Variants in AKR1B15 observed in about 807,000 individuals in gnomAD.
AKR1B15 encodes estradiol 17-beta-dehydrogenase AKR1B15.
A neutral mutation model predicts 38.5 loss-of-function variants in AKR1B15; 49 were observed. The ratio of observed to expected loss-of-function variants is 1.27; its 90% CI spans 1.01 to 1.62. The LOEUF is 1.62. Ranked by LOEUF, AKR1B15 falls within the 40% of genes most tolerant of loss-of-function variation. The probability of loss-of-function intolerance (pLI) is 0.00; values close to 1 mark genes in which losing one functional copy is unlikely to be tolerated. For synonymous variants in AKR1B15, 137 were observed against 135.5 expected, an observed-to-expected ratio of 1.01 and a Z score of -0.08; for missense variants, 411 against 381.6, an observed-to-expected ratio of 1.08 and a Z score of -0.64.
chr7:134,570,806 C>T (rs553891582), intron 5 of AKR1B15, among the ~76,000 whole-genome samples: 13 of 152,182 alleles, frequency 8.5e-5, no homozygotes, highest in African/African-American at 2.2e-4. Flanking sequence ...AGGCCATGTG[C>T]GCTGCTGAGG....
intron 1 of AKR1B15, among the ~76,000 whole-genome samples, chr7:134,553,042 C>A (rs1266094668): frequency 3.1e-5 from 4 of 130,804 alleles, no homozygotes; most frequent in Admixed American, 7.5e-5. Flanking sequence ...CAGGTCCCAG[C>A]CAAGAAGGCC....
At chr7:134,554,802 T>C (rs911316185) in intron 1 of AKR1B15, among the ~76,000 whole-genome samples, 11 of 152,146 alleles carry the variant, frequency 7.2e-5, no homozygotes. Context: ...AATGAAATCA[T>C]CCCTCAACAT....
chr7:134,565,406 TGGAA>T (rs2117647763), intron 3 of AKR1B15: 1 of 1,608,436 alleles, frequency 6.2e-7, no homozygotes, highest in South Asian at 1.1e-5. Context: ...ACGAACCCTC[TGGAA>T]GGAACCAACT....
rs1794587428 is a variant in AKR1B15, at chr7:134,568,269, C to G, written c.262C>G (p.Gln88Glu). Residue 88 changes from glutamine to glutamate, a missense_variant, in exon 4 of 12, where the codon CAA becomes GAA. Physicochemically the swap from Gln to Glu is conservative, Grantham distance 29 (BLOSUM62 2). Coordinates refer to ENST00000457545, the MANE Select transcript of AKR1B15 (RefSeq NM_001080538.3). ...ENQHEVGEAI[Q>E]EKIQEKAVMR... ...TCAACATGAGGTGGGAGAAGCCATC[C>G]AAGAGAAGATCCAAGAGAAGGCTGT... The G allele has an allele frequency of 6.2e-7, 1 of 1,614,076 alleles. No homozygotes were observed. Among genetic ancestry groups the G allele is most frequent in the Non-Finnish European group, 8.5e-7 (1 of 1,179,980 alleles).
At chr7:134,565,874 C>T (rs1269720006) in intron 3 of AKR1B15, among the ~76,000 whole-genome samples, 1 of 152,100 alleles carries the variant, frequency 6.6e-6, no homozygotes, top group Non-Finnish European at 1.5e-5. Flanking sequence ...AGAGTCTTGG[C>T]TGTGGGTTTG....
At chr7:134,562,093 C>T (rs1193341356) in intron 2 of AKR1B15, among the ~76,000 whole-genome samples, 1 of 152,168 alleles carries the variant, frequency 6.6e-6, no homozygotes, top group Non-Finnish European at 1.5e-5. Flanking sequence ...AAGCAATTCT[C>T]CTGTCTCAGC....
chr7:134,557,645 CTGTT>C lies in AKR1B15; in HGVS notation c.-23+788_-23+791del, dbSNP rs201926692. 9.8e-3 allele frequency among the ~76,000 whole-genome samples: 1,476 copies of C among 150,314 alleles called. 17 individuals are homozygous for C. The highest frequency in any genetic ancestry group is 0.034 in the African/African-American group (1,405 of 40,980). ...ATAATTTAAGCCCCTGCACCTGGAA[CTGTT>C]TATTTTCTTATTACTGTTTCTGTAA... On this transcript the variant is annotated intron_variant, in intron 2 of 11. Transcript: ENST00000457545.
rs931955411 is a variant in AKR1B15 at position 134,574,848 on chromosome 7, G to A, written c.514-572G>A. Among the ~76,000 whole-genome samples the A allele has an allele frequency of 2.0e-5, 3 of 152,194 alleles. No individual in the cohort carries two copies. In the South Asian group the frequency reaches 6.2e-4, roughly 31 times the overall value. ...TTTAGCCCCACACAACTCCGTGGCC[G>A]GGTGCCCCTGCTAGGGCGTAATTTA... is the stretch of plus-strand genomic sequence containing the variant. On this transcript the variant is annotated intron_variant, in intron 6 of 11. Coordinates refer to ENST00000457545, the MANE Select transcript of AKR1B15 (RefSeq NM_001080538.3).
chr7:134,562,880 T>TTCTTTC (rs1554402409), intron 2 of AKR1B15, among the ~76,000 whole-genome samples: 73 of 139,322 alleles, frequency 5.2e-4, no homozygotes, highest in Middle Eastern at 3.6e-3. Flanking sequence ...CTTTCTTTCT[T>TTCTTTC]TCTTTCTTTC....
chr7:134,562,371 C>T (rs1394805829), intron 2 of AKR1B15, among the ~76,000 whole-genome samples: 1 of 152,110 alleles, frequency 6.6e-6, no homozygotes, highest in African/African-American at 2.4e-5. Context: ...AGCTTTAATT[C>T]CCTTATTTGT....
intron 2 of AKR1B15, among the ~76,000 whole-genome samples, chr7:134,563,542 C>T (rs1348005973): frequency 4.6e-5 from 7 of 152,120 alleles, no homozygotes; most frequent in South Asian, 2.1e-4. Flanking sequence ...AGCAAGACTC[C>T]GTCTCAAAAA....
chr7:134,551,742 C>T (rs766356184), intron 1 of AKR1B15, among the ~76,000 whole-genome samples: 2 of 152,166 alleles, frequency 1.3e-5, no homozygotes, highest in African/African-American at 2.4e-5. Flanking sequence ...CCCGAGTCCC[C>T]ACCAGGAAGG....
chr7:134,556,908 G>A (rs1794216106), intron 2 of AKR1B15, 49 bp downstream of exon 2: 1 of 152,158 alleles, frequency 6.6e-6, no homozygotes, highest in Non-Finnish European at 1.5e-5. Context: ...TATACTACAT[G>A]CCCAGGTAGA....
At chr7:134,570,894 G>A (rs1794654360) in intron 5 of AKR1B15, among the ~76,000 whole-genome samples, 1 of 152,210 alleles carries the variant, frequency 6.6e-6, no homozygotes, top group Non-Finnish European at 1.5e-5. Flanking sequence ...AGTTGTAACT[G>A]CCATATCACC....
Position 134,577,744 on chromosome 7 carries a change from T to A in AKR1B15, c.950T>A (p.Ile317Lys). 1 of 1,614,020 alleles carries A rather than the reference T, an allele frequency of 6.2e-7. No individual in the cohort carries two copies. Among genetic ancestry groups the A allele is most frequent in the Non-Finnish European group, 8.5e-7 (1 of 1,179,968 alleles). Reference protein sequence around the residue: ...FKLSDEEMATILSFNRNWRAF... With the variant: ...FKLSDEEMATKLSFNRNWRAF... ...TTGAGTGATGAGGAGATGGCAACCA[T>A]ACTCAGCTTCAACAGAAACTGGAGG... Residue 317 changes from isoleucine (I) to lysine (K), a missense_variant, in exon 11 of 12, where the codon ATA becomes AAA. Physicochemically the swap from Ile to Lys is moderately radical, Grantham distance 102. Coordinates refer to ENST00000457545, the MANE Select transcript of AKR1B15 (RefSeq NM_001080538.3).
chr7:134,561,604 C>T (rs927132822), intron 2 of AKR1B15, among the ~76,000 whole-genome samples: 1 of 152,212 alleles, frequency 6.6e-6, no homozygotes, highest in Admixed American at 6.5e-5. Context: ...TGCCAATTGC[C>T]TTCTATGAGC....
rs375750709 is a variant in AKR1B15, at chr7:134,575,441, G to A, written c.535G>A (p.Glu179Lys). Reference protein sequence around the residue: ...AWEAMEELVDEGLVKALGVSN... With the variant: ...AWEAMEELVDKGLVKALGVSN... ...ATAGGCCATGGAGGAGCTGGTGGAC[G>A]AGGGGCTGGTGAAAGCCCTTGGGGT... The change falls in exon 7 of 12, where the codon GAG (glutamate) becomes AAG (lysine). Residue 179 changes from glutamate to lysine, a missense_variant. Glu to Lys is a moderately conservative substitution (Grantham distance 56, BLOSUM62 1). This residue lies in a region of AKR1B15 where 254 missense variants were observed against 212.4 expected (regional missense o/e 1.20). Transcript: ENST00000457545. 66 of 1,613,712 alleles carry A rather than the reference G, an allele frequency of 4.1e-5. 1 individual carries two copies. The African/African-American group carries it at 5.5e-4, about 13-fold the overall frequency.
rs748614647 is a variant in AKR1B15, at chr7:134,577,747, T to C, written c.953T>C (p.Leu318Pro). Residue 318 changes from leucine (L) to proline (P), a missense_variant, in exon 11 of 12, where the codon CTC becomes CCC. Coordinates refer to ENST00000457545, the MANE Select transcript of AKR1B15 (RefSeq NM_001080538.3). ...KLSDEEMATI[L>P]SFNRNWRAFD... is the part of the protein sequence containing the mutation. ...AGTGATGAGGAGATGGCAACCATACTCAGCTTCAACAGAAACTGGAGGGCC... is the reference window on the plus strand; with the variant it reads ...AGTGATGAGGAGATGGCAACCATACCCAGCTTCAACAGAAACTGGAGGGCC... 2.1e-5 allele frequency: 34 copies of C among 1,613,990 alleles called. No homozygotes were observed. In the African/African-American group the frequency reaches 4.4e-4, roughly 21 times the overall value.
intron 5 of AKR1B15, chr7:134,570,354 G>A (rs1794642971): frequency 6.6e-6 from 1 of 152,072 alleles, no homozygotes; most frequent in South Asian, 2.1e-4. Context: ...ATCTTGCCCT[G>A]CCTCCATTTG....
Sources: allele counts gnomAD v4.1 joint callset (sites outside exome capture counted in the v4.1 genomes callset), GRCh38; gene constraint gnomAD v4.1.1; regional missense constraint gnomAD v4.1.1; transcripts MANE v1.5; gene names NCBI Gene and HGNC (gene_info 2026-07-23, HGNC 2026-07-21).